The following KLHL13 variants were observed in gnomAD, a reference collection of about 807,000 sequenced individuals.
KLHL13 encodes the protein kelch like family member 13, also known as kelch-like protein 13.
KLHL13 carries 10 observed loss-of-function variants against 37.1 expected under a neutral mutation model. The ratio of observed to expected loss-of-function variants is 0.27; its 90% CI spans 0.17 to 0.46. The LOEUF (loss-of-function observed/expected upper bound fraction) is 0.46. Ranked by LOEUF, KLHL13 falls within the 20% of genes least tolerant of loss-of-function variation. The probability of loss-of-function intolerance (pLI) is 1.00; values close to 1 mark genes in which losing one functional copy is unlikely to be tolerated. For missense variants in KLHL13, 360 were observed against 509.3 expected, an observed-to-expected ratio of 0.71 and a Z score of 2.82; for synonymous variants, 163 against 181.2, an observed-to-expected ratio of 0.90 and a Z score of 0.81.
chrX:117,982,311 T>C (rs191305562), intron 1 of KLHL13, among the ~76,000 whole-genome samples: 2 of 111,367 alleles, frequency 1.8e-5, no homozygotes, highest in Admixed American at 1.9e-4. Context: ...CTCACTTATT[T>C]TTCACCTTTT....
chrX:118,069,173 T>C (rs2054828953), intron 1 of KLHL13, among the ~76,000 whole-genome samples: 1 of 100,155 alleles, frequency 1.0e-5, no homozygotes, highest in Admixed American at 1.0e-4. Context: ...AAACTGAAAA[T>C]TGCCCCCTTG....
upstream of KLHL13, among the ~76,000 whole-genome samples, chrX:117,978,380 G>A (rs1408634958): frequency 9.0e-6 from 1 of 111,558 alleles, no homozygotes; most frequent in Non-Finnish European, 1.9e-5. Flanking sequence ...ATGTTGGGCA[G>A]AGAAAAAACA....
rs185694001 is a variant in KLHL13 at position 118,006,292 on chromosome X, A to T, written c.-55-60717T>A. ...CAATAGTGAAAGTCTAACAGAATGT[A>T]TTTTACCAAAGAAGGGTTTTATTTT... On this transcript the variant is annotated intron_variant, in intron 1 of 6. Transcript: ENST00000371882. 3.0e-4 allele frequency among the ~76,000 whole-genome samples: 33 copies of T among 111,751 alleles called. 1 individual carries two copies. In the East Asian group the frequency reaches 3.9e-3, roughly 13 times the overall value.
intron 2 of KLHL13, among the ~76,000 whole-genome samples, chrX:117,941,802 A>G (rs1279008114): frequency 2.7e-5 from 3 of 111,079 alleles, no homozygotes; most frequent in African/African-American, 9.8e-5. Context: ...ATTCACTGAG[A>G]TATTGAAGTG....
chrX:118,086,006 C>T (rs138372121), intron 1 of KLHL13, among the ~76,000 whole-genome samples: 1,987 of 110,412 alleles, frequency 0.018, 48 homozygotes, highest in African/African-American at 0.06. Flanking sequence ...GGCACAATCT[C>T]GGCTCACTGC....
At chrX:118,033,391 C>G (rs2054386886) in intron 1 of KLHL13, among the ~76,000 whole-genome samples, 1 of 111,749 alleles carries the variant, frequency 8.9e-6, no homozygotes, top group South Asian at 3.8e-4. Flanking sequence ...AACAGCAGAT[C>G]TCTCGGCAGA....
intron 1 of KLHL13, among the ~76,000 whole-genome samples, chrX:118,058,067 T>G (rs1369716801): frequency 9.0e-6 from 1 of 111,069 alleles, no homozygotes; most frequent in East Asian, 2.8e-4. Context: ...AATGTCAAAA[T>G]AGCCAGAAGT....
At chrX:117,900,763 T>C (rs1367674994) in intron 6 of KLHL13, among the ~76,000 whole-genome samples, 1 of 111,406 alleles carries the variant, frequency 9.0e-6, no homozygotes, top group Non-Finnish European at 1.9e-5. Flanking sequence ...GGCCTTCATA[T>C]GGGGAAGAAT....
intron 1 of KLHL13, among the ~76,000 whole-genome samples, chrX:117,969,096 C>G (rs1177090429): frequency 2.7e-5 from 3 of 111,781 alleles, no homozygotes; most frequent in Non-Finnish European, 5.7e-5. Flanking sequence ...CACTAACATT[C>G]ATTGTCTTTT....
At chrX:118,057,840 G>GA (rs1465348019) in intron 1 of KLHL13, among the ~76,000 whole-genome samples, 1 of 109,776 alleles carries the variant, frequency 9.1e-6, no homozygotes, top group Non-Finnish European at 1.9e-5. Flanking sequence ...AAAAAAAAGT[G>GA]AAAAATCCTA....
intron 1 of KLHL13, among the ~76,000 whole-genome samples, chrX:118,075,303 A>G (rs1254413319): frequency 1.8e-5 from 2 of 111,851 alleles, no homozygotes; most frequent in Non-Finnish European, 3.8e-5. Flanking sequence ...TAACTCAAAA[A>G]AAGATTTTTT....
At chrX:118,084,077 T>TG (rs1470919024) in intron 1 of KLHL13, among the ~76,000 whole-genome samples, 8 of 110,715 alleles carry the variant, frequency 7.2e-5, no homozygotes, top group Non-Finnish European at 1.5e-4. Flanking sequence ...CCCAACACTT[T>TG]GGGAGGCCAA....
Position 118,056,252 on chromosome X carries a change from GA to G in KLHL13, c.-56+60255del, listed in dbSNP as rs778519670. 5.4e-5 allele frequency among the ~76,000 whole-genome samples: 6 copies of G among 112,056 alleles called. No homozygotes were observed. The East Asian group carries it at 1.7e-3, about 31-fold the overall frequency. ...AAAATACTTGGAAATAAATTTAACAGAAAAAGTACAAAATTTATATTCTGGC... is the reference window on the plus strand; with the variant it reads ...AAAATACTTGGAAATAAATTTAACAGAAAAGTACAAAATTTATATTCTGGC... On this transcript the variant is annotated intron_variant, in intron 1 of 6. Coordinates refer to the KLHL13 transcript ENST00000371882.
chrX:118,076,636 A>G (rs917925474), intron 1 of KLHL13, among the ~76,000 whole-genome samples: 2 of 111,264 alleles, frequency 1.8e-5, no homozygotes, highest in African/African-American at 3.3e-5. Flanking sequence ...TGAGTAAAGC[A>G]GGTTACTTTG....
At chrX:118,096,687 C>G (rs1335020401) in intron 1 of KLHL13, among the ~76,000 whole-genome samples, 1 of 111,681 alleles carries the variant, frequency 9.0e-6, no homozygotes, top group Non-Finnish European at 1.9e-5. Flanking sequence ...CAATAAAATA[C>G]TGGCAAACCG....
intron 1 of KLHL13, among the ~76,000 whole-genome samples, chrX:118,082,207 G>A (rs1043261554): frequency 9.0e-6 from 1 of 110,585 alleles, no homozygotes; most frequent in Non-Finnish European, 1.9e-5. Flanking sequence ...CACAGTGGCT[G>A]TACTAATTCA....
At chrX:118,047,463 A>G (rs1366965976) in intron 1 of KLHL13, among the ~76,000 whole-genome samples, 2 of 112,411 alleles carry the variant, frequency 1.8e-5, no homozygotes, top group Non-Finnish European at 3.8e-5. Flanking sequence ...TAACTTACAC[A>G]AATTAGTGAA....
chrX:117,904,493 A>G (rs1295432744), intron 5 of KLHL13, among the ~76,000 whole-genome samples: 1 of 111,400 alleles, frequency 9.0e-6, no homozygotes, highest in East Asian at 2.8e-4. Context: ...TAAAGAGGCA[A>G]CTGGAAAAAT....
intron 1 of KLHL13, among the ~76,000 whole-genome samples, chrX:118,004,345 T>C (rs1239113423): frequency 8.9e-6 from 1 of 111,998 alleles, no homozygotes; most frequent in South Asian, 3.7e-4. Flanking sequence ...AATACTGGAA[T>C]AGCAATGAGC....
Sources: gnomAD v4.1 joint callset for allele counts (sites outside exome capture counted in the v4.1 genomes callset) on GRCh38, gnomAD v4.1.1 for gene constraint, MANE v1.5 for transcripts, NCBI Gene and HGNC (gene_info 2026-07-23, HGNC 2026-07-21) for gene names.